Variants in GRIK2 observed in about 807,000 individuals in gnomAD.
The protein encoded by GRIK2 is glutamate ionotropic receptor kainate type subunit 2.
Under a neutral mutation model 100.3 loss-of-function variants are expected in GRIK2, and 32 were observed. The observed-to-expected ratio is 0.32, with a 90% confidence interval of 0.24 to 0.43. GRIK2 has a LOEUF of 0.43. Among genes scored for constraint, GRIK2 ranks in the 20% least tolerant of loss-of-function variants. The pLI, the probability that GRIK2 is intolerant of heterozygous loss-of-function variation, is 1.00. For missense variants in GRIK2, 843 were observed against 1,114.9 expected, an observed-to-expected ratio of 0.76 and a Z score of 3.47; for synonymous variants, 417 against 389.4, an observed-to-expected ratio of 1.07 and a Z score of -0.83.
intron 14 of GRIK2, among the ~76,000 whole-genome samples, chr6:101,986,897 T>G (rs886852080): frequency 6.6e-6 from 1 of 151,822 alleles, no homozygotes; most frequent in Admixed American, 6.6e-5. Flanking sequence ...CCCACTACTT[T>G]GAGAGGCAAA....
At chr6:101,574,666 AC>A (rs1777717265) in intron 2 of GRIK2, among the ~76,000 whole-genome samples, 1 of 151,722 alleles carries the variant, frequency 6.6e-6, no homozygotes. Context: ...AAAGACAAAT[AC>A]AAAGCAGAAT....
chr6:101,500,480 C>T (rs1272137322), intron 2 of GRIK2, among the ~76,000 whole-genome samples: 5 of 151,982 alleles, frequency 3.3e-5, no homozygotes, highest in Admixed American at 2.6e-4. Context: ...TTTAAGTTAA[C>T]GTGACTTTGC....
intron 2 of GRIK2, among the ~76,000 whole-genome samples, chr6:101,592,419 A>G (rs1778693461): frequency 6.6e-6 from 1 of 151,118 alleles, no homozygotes; most frequent in Non-Finnish European, 1.5e-5. Context: ...CCTGGCATTG[A>G]TCAGTTATTA....
chr6:101,755,229 C>A (rs1442867226), intron 7 of GRIK2, among the ~76,000 whole-genome samples: 1 of 140,122 alleles, frequency 7.1e-6, no homozygotes, highest in African/African-American at 2.7e-5. Context: ...TGCAGTGGCA[C>A]GATCTCGACT....
chr6:101,729,567 A>G (rs965629006), intron 7 of GRIK2, among the ~76,000 whole-genome samples: 1 of 151,910 alleles, frequency 6.6e-6, no homozygotes, highest in African/African-American at 2.4e-5. Context: ...GATATGTTAT[A>G]TTTTACCTTA....
chr6:101,682,924 C>T (rs1562307637), intron 6 of GRIK2, among the ~76,000 whole-genome samples: 1 of 152,156 alleles, frequency 6.6e-6, no homozygotes, highest in Admixed American at 6.5e-5. Context: ...GCAAATTCAG[C>T]CGGGCACAGT....
chr6:101,875,112 G>A lies in GRIK2; in HGVS notation c.1525-14528G>A, dbSNP rs191277618. ...TTCTTTCTCCTGCCTGATTGCCCTG[G>A]CCAGAACTTCCAACACTATGTTGAA... On this transcript the variant is annotated intron_variant, in intron 11 of 16. Transcript: ENST00000369134. 3.3e-5 allele frequency among the ~76,000 whole-genome samples: 5 copies of A among 152,112 alleles called. No individual in the cohort carries two copies. The East Asian group carries it at 9.7e-4, about 30-fold the overall frequency.
At chr6:101,435,133 C>T (rs1004576219) in intron 2 of GRIK2, among the ~76,000 whole-genome samples, 4 of 152,088 alleles carry the variant, frequency 2.6e-5, no homozygotes, top group African/African-American at 9.7e-5. Flanking sequence ...GTGCTTTCAT[C>T]CAGAACCAAT....
intron 4 of GRIK2, among the ~76,000 whole-genome samples, chr6:101,668,712 G>T (rs1450103555): frequency 6.6e-6 from 1 of 152,150 alleles, no homozygotes; most frequent in East Asian, 1.9e-4. Flanking sequence ...AAGCCAGGTG[G>T]CAAATCACTA....
intron 2 of GRIK2, among the ~76,000 whole-genome samples, chr6:101,546,847 T>TTTGAC (rs1776264199): frequency 1.0e-5 from 1 of 97,810 alleles, no homozygotes; most frequent in Non-Finnish European, 2.0e-5. Context: ...TTTTTTTTTT[T>TTTGAC]GGAGACGGAG....
intron 12 of GRIK2, among the ~76,000 whole-genome samples, chr6:101,921,699 T>C (rs1372770522): frequency 6.6e-6 from 1 of 151,950 alleles, no homozygotes; most frequent in Non-Finnish European, 1.5e-5. Context: ...TGTGTGTGTG[T>C]TGGGAGATAT....
At chr6:101,531,916 G>T (rs1775462099) in intron 2 of GRIK2, among the ~76,000 whole-genome samples, 1 of 151,808 alleles carries the variant, frequency 6.6e-6, no homozygotes. Flanking sequence ...TCTCATAATT[G>T]CTCTTGGAAC....
chr6:101,889,590 T>C, intron 11 of GRIK2, 50 bp from the exon 12 acceptor site: 1 of 1,058,024 alleles, frequency 9.5e-7, no homozygotes, highest in South Asian at 1.5e-5. Context: ...CAATTTTTTC[T>C]CTCTTTCTTT....
chr6:101,660,538 G>A (rs1769535968), intron 4 of GRIK2, among the ~76,000 whole-genome samples: 1 of 152,036 alleles, frequency 6.6e-6, no homozygotes, highest in African/African-American at 2.4e-5. Flanking sequence ...GTGATCCTTT[G>A]CGGGAGAAGA....
At chr6:102,010,683 C>G (rs1292623469) in intron 14 of GRIK2, among the ~76,000 whole-genome samples, 1 of 151,716 alleles carries the variant, frequency 6.6e-6, no homozygotes, top group Non-Finnish European at 1.5e-5. Context: ...GCACCGGGCC[C>G]CCTCCCTTCT....
At chr6:102,019,443 C>T (rs984110865) in intron 14 of GRIK2, among the ~76,000 whole-genome samples, 1 of 152,010 alleles carries the variant, frequency 6.6e-6, no homozygotes, top group African/African-American at 2.4e-5. Context: ...TTTACTATCA[C>T]AATGGCCCCA....
intron 4 of GRIK2, among the ~76,000 whole-genome samples, chr6:101,645,984 T>C (rs1272298522): frequency 6.6e-6 from 1 of 151,932 alleles, no homozygotes; most frequent in Non-Finnish European, 1.5e-5. Flanking sequence ...ACCTAGTGCT[T>C]TGGACAACAT....
rs944694810 is a variant in GRIK2 at position 101,582,216 on chromosome 6, C to T, written c.116-39733C>T. ...GTATTTCTCCTAATGCTATCCCTCT[C>T]CTAGCCCCCTACTCCCCAACAGGCC... On this transcript the variant is annotated intron_variant, in intron 2 of 16. Transcript: ENST00000369134. 4.7e-5 allele frequency among the ~76,000 whole-genome samples: 7 copies of T among 149,114 alleles called. No individual in the cohort carries two copies. The South Asian group carries it at 8.4e-4, about 18-fold the overall frequency.
intron 7 of GRIK2, among the ~76,000 whole-genome samples, chr6:101,755,805 T>C (rs1777100921): frequency 6.6e-6 from 1 of 152,152 alleles, no homozygotes; most frequent in Non-Finnish European, 1.5e-5. Context: ...TTGTGAAATA[T>C]ATTATTCTCT....
Sources: allele counts gnomAD v4.1 joint callset (sites outside exome capture counted in the v4.1 genomes callset), GRCh38; gene constraint gnomAD v4.1.1; transcripts MANE v1.5; gene names NCBI Gene and HGNC (gene_info 2026-07-23, HGNC 2026-07-21).